Variants in TSPAN18 observed in about 807,000 individuals in gnomAD.
TSPAN18 encodes the protein tetraspanin-18.
In TSPAN18, 14 loss-of-function variants were observed where a neutral mutation model predicts 27.3. The observed-to-expected ratio is 0.51, with a 90% CI of 0.34 to 0.80. TSPAN18 has a LOEUF of 0.80. Ranked by LOEUF, TSPAN18 falls within the 30% of genes least tolerant of loss-of-function variation. The probability of loss-of-function intolerance (pLI) is 0.01; values close to 1 mark genes in which losing one functional copy is unlikely to be tolerated. For missense variants in TSPAN18, 268 were observed against 323.9 expected, an observed-to-expected ratio of 0.83 and a Z score of 1.32; for synonymous variants, 143 against 136.5, an observed-to-expected ratio of 1.05 and a Z score of -0.33.
Position 44,931,331 on chromosome 11 carries a change from CAAAAACA to C in TSPAN18, c.*2167_*2173del, listed in dbSNP as rs993159718. ...CTGGTCTGAGGATGACACACAAAAA[CAAAAACA>C]AAAAACAAAAAACCCATGCTGGGCA... On this transcript the variant is annotated 3_prime_UTR_variant, in exon 10 of 10. Transcript: ENST00000520358. 1 of 184,084 alleles carries C rather than the reference CAAAAACA, an allele frequency of 5.4e-6. No individual in the cohort carries two copies. Among genetic ancestry groups the C allele is most frequent in the African/African-American group, 2.4e-5 (1 of 42,096 alleles). 11.4% of individuals were successfully genotyped at this position (184,084 alleles called of 1,614,324 possible).
At chr11:44,900,228 G>C (rs1390621217) in intron 3 of TSPAN18, among the ~76,000 whole-genome samples, 1 of 152,250 alleles carries the variant, frequency 6.6e-6, no homozygotes, top group Non-Finnish European at 1.5e-5. Context: ...GAGCAGGCAA[G>C]CCCTGGTCTC....
Position 44,846,360 on chromosome 11 carries a change from C to T in TSPAN18, c.-152-13968C>T, listed in dbSNP as rs984434668. Among the ~76,000 whole-genome samples the T allele has an allele frequency of 3.9e-5, 6 of 152,362 alleles. No individual in the cohort carries two copies. The East Asian group carries it at 5.8e-4, about 15-fold the overall frequency. Reference sequence around the variant, plus strand: ...GTTTAATGAATATCTGTTTAATGAACGTGGCTGTACCTTCTTGCGGAGTGT... The same window carrying T: ...GTTTAATGAATATCTGTTTAATGAATGTGGCTGTACCTTCTTGCGGAGTGT... On this transcript the variant is annotated intron_variant, in intron 2 of 9. Transcript: ENST00000520358.
rs1028279239 is a variant in TSPAN18, at chr11:44,911,922, TC to T, written c.258+2027del. Among the ~76,000 whole-genome samples the T allele has an allele frequency of 3.4e-5, 3 of 87,324 alleles. No homozygotes were observed. In the Admixed American group the frequency reaches 4.3e-4, roughly 13 times the overall value. The allele number at this position is 87,324 out of a possible 152,430, so 57.3% of individuals were successfully genotyped here. Reference sequence around the variant, plus strand: ...TCGACAAGGCCTGATGGCAGATCCTTCCCCTTCCCCTCCCCACCCCCGCCTC... The same window carrying T: ...TCGACAAGGCCTGATGGCAGATCCTTCCCTTCCCCTCCCCACCCCCGCCTC... On this transcript the variant is annotated intron_variant, in intron 5 of 9. Transcript: ENST00000520358.
chr11:44,930,851 T>A lies in TSPAN18; in HGVS notation c.*1673T>A. 2.0e-6 allele frequency: 1 copy of A among 510,876 alleles called. No individual in the cohort carries two copies. Among genetic ancestry groups the A allele is most frequent in the Non-Finnish European group, 4.0e-6 (1 of 248,454 alleles). The allele number at this position is 510,876 out of a possible 1,614,324, so 31.6% of individuals were successfully genotyped here. On this transcript the variant is annotated 3_prime_UTR_variant, in exon 10 of 10. Coordinates refer to ENST00000520358, the MANE Select transcript of TSPAN18 (RefSeq NM_130783.5). Reference sequence around the variant, plus strand: ...TGTCTGCTCTCTTCTCTCCCCTCTGTCCCTCTTCAGGAAGAAAGAGCTCAT... The same window carrying A: ...TGTCTGCTCTCTTCTCTCCCCTCTGACCCTCTTCAGGAAGAAAGAGCTCAT...
chr11:44,908,793 A>AAGAG lies in TSPAN18; in HGVS notation c.64-909_64-908insGAGA, dbSNP rs1296197121. On this transcript the variant is annotated intron_variant, in intron 4 of 9. Transcript: ENST00000520358. ...GGAGAAAGAAAGAAAGAAAGAAAGA[A>AAGAG]AGAAAGAAAGAAAGAAAGAAAGAAA... 1.4e-4 allele frequency among the ~76,000 whole-genome samples: 16 copies of AAGAG among 116,494 alleles called. 2 individuals are homozygous for AAGAG. Among genetic ancestry groups the AAGAG allele is most frequent in the African/African-American group, 5.8e-4 (16 of 27,510 alleles). 76.4% of individuals were successfully genotyped at this position (116,494 alleles called of 152,430 possible).
chr11:44,926,845 A>C lies in TSPAN18; in HGVS notation c.699+88A>C, dbSNP rs868629734. Reference sequence around the variant, plus strand: ...ATCCCCCCAGCCTCCTTTCCTCTTCATTTCCTTCACCTGGGACCCAAGGGG... The same window carrying C: ...ATCCCCCCAGCCTCCTTTCCTCTTCCTTTCCTTCACCTGGGACCCAAGGGG... On this transcript the variant is annotated intron_variant, in intron 9 of 9. Transcript: ENST00000520358. 5.4e-6 allele frequency: 8 copies of C among 1,468,432 alleles called. 1 individual carries two copies. The highest frequency in any genetic ancestry group is 3.7e-4 in the Middle Eastern group (2 of 5,444). 91.0% of individuals were successfully genotyped at this position (1,468,432 alleles called of 1,614,324 possible). A position where few individuals can be genotyped will look rare whatever the true frequency, so the allele number is the denominator to read the frequency against.
intron 5 of TSPAN18, among the ~76,000 whole-genome samples, chr11:44,913,968 G>A (rs746953573): frequency 1.1e-4 from 16 of 152,272 alleles, no homozygotes; most frequent in Non-Finnish European, 2.4e-4. Context: ...CGAGTTGGCA[G>A]AGGTGGCATT....
chr11:44,818,930 T>C (rs909076673), intron 2 of TSPAN18, among the ~76,000 whole-genome samples: 3 of 152,078 alleles, frequency 2.0e-5, no homozygotes, highest in African/African-American at 7.2e-5. Flanking sequence ...ATGGCCTAGG[T>C]GATCTCTTAC....
chr11:44,864,566 C>T (rs567815942), intron 3 of TSPAN18, among the ~76,000 whole-genome samples: 2 of 152,274 alleles, frequency 1.3e-5, no homozygotes, highest in Admixed American at 6.5e-5. Context: ...AAGCTTTGTT[C>T]AACCCTCCCT....
In TSPAN18 at chr11:44,908,734, AAAAG is replaced by A. The variant is rs1483895804; in HGVS notation, c.64-961_64-958del. Among the ~76,000 whole-genome samples, 16 of 105,736 alleles carry A rather than the reference AAAAG, an allele frequency of 1.5e-4. 1 individual carries two copies. The highest frequency in any genetic ancestry group is 3.7e-5 in the African/African-American group (1 of 26,684). The allele number at this position is 105,736 out of a possible 152,430, so 69.4% of individuals were successfully genotyped here. A position where few individuals can be genotyped will look rare whatever the true frequency, so the allele number is the denominator to read the frequency against. ...GGGTAGCAGAGCAAGACTGTCTCAA[AAAAG>A]AAAGAAAGAGAGAGAGAGAGAGAGA... is the stretch of plus-strand genomic sequence containing the variant. On this transcript the variant is annotated intron_variant, in intron 4 of 9. Coordinates refer to ENST00000520358, the MANE Select transcript of TSPAN18 (RefSeq NM_130783.5).
intron 2 of TSPAN18, among the ~76,000 whole-genome samples, chr11:44,781,664 A>G (rs1043746100): frequency 6.6e-6 from 1 of 152,176 alleles, no homozygotes; most frequent in Non-Finnish European, 1.5e-5. Context: ...ACCTTCATAC[A>G]CACTTACCCA....
chr11:44,849,527 C>T (rs929832219), intron 2 of TSPAN18, among the ~76,000 whole-genome samples: 3 of 152,192 alleles, frequency 2.0e-5, no homozygotes, highest in Non-Finnish European at 4.4e-5. Flanking sequence ...TCAGTGGCTA[C>T]GGGCTAGGCC....
intron 3 of TSPAN18, among the ~76,000 whole-genome samples, chr11:44,891,082 G>T (rs1290778178): frequency 6.6e-6 from 1 of 152,104 alleles, no homozygotes; most frequent in African/African-American, 2.4e-5. Flanking sequence ...GGGGTGGGAG[G>T]ATTCCTTGAG....
intron 2 of TSPAN18, among the ~76,000 whole-genome samples, chr11:44,815,078 T>G (rs964005473): frequency 3.3e-5 from 5 of 151,978 alleles, no homozygotes; most frequent in Non-Finnish European, 7.4e-5. Context: ...GTGGGAAGAT[T>G]AGAGTGGCAG....
intron 3 of TSPAN18, among the ~76,000 whole-genome samples, chr11:44,863,403 T>C (rs1857948158): frequency 6.6e-6 from 1 of 152,250 alleles, no homozygotes; most frequent in South Asian, 2.1e-4. Flanking sequence ...TGCTTTCAAC[T>C]ACAGCTTGGG....
intron 2 of TSPAN18, among the ~76,000 whole-genome samples, chr11:44,788,301 C>G (rs1856107687): frequency 6.6e-6 from 1 of 152,140 alleles, no homozygotes; most frequent in South Asian, 2.1e-4. Flanking sequence ...TCTACGTGCG[C>G]TGTCCAATAC....
chr11:44,872,004 A>G (rs1402274270), intron 3 of TSPAN18, among the ~76,000 whole-genome samples: 8 of 152,052 alleles, frequency 5.3e-5, no homozygotes, highest in Non-Finnish European at 1.2e-4. Flanking sequence ...GCTCACTGCA[A>G]CCTCTGCCTC....
At chr11:44,927,217 C>T (rs1027035236) in intron 9 of TSPAN18, among the ~76,000 whole-genome samples, 1 of 152,228 alleles carries the variant, frequency 6.6e-6, no homozygotes. Flanking sequence ...TATCTGAGGG[C>T]CCCAGAGTCC....
rs11825507 is a variant in TSPAN18 at position 44,854,159 on chromosome 11, A to G, written c.-152-6169A>G. Among the ~76,000 whole-genome samples the G allele has an allele frequency of 1.4e-3, 165 of 121,928 alleles. 1 individual carries two copies. The Middle Eastern group carries it at 0.018, about 13-fold the overall frequency. 80.0% of individuals were successfully genotyped at this position (121,928 alleles called of 152,430 possible). ...ATACACATACACACATGCCTGTGCC[A>G]CATGCAGAGCTCCTTGGTCTCTGCT... On this transcript the variant is annotated intron_variant, in intron 2 of 9. Coordinates refer to ENST00000520358, the MANE Select transcript of TSPAN18 (RefSeq NM_130783.5).
Sources: allele counts gnomAD v4.1 joint callset (sites outside exome capture counted in the v4.1 genomes callset), GRCh38; gene constraint gnomAD v4.1.1; transcripts MANE v1.5; gene names NCBI Gene and HGNC (gene_info 2026-07-23, HGNC 2026-07-21).